SYT9: variants seen among roughly 807,000 people sequenced by gnomAD.
SYT9 encodes synaptotagmin 9.
In SYT9, 22 loss-of-function variants were observed where a neutral mutation model predicts 48.4. That is an observed-to-expected ratio of 0.45 (90% CI 0.32 to 0.65). SYT9 has a LOEUF of 0.65. Among genes scored for constraint, SYT9 ranks in the 30% least tolerant of loss-of-function variants. SYT9 has a pLI of 0.03. For synonymous variants in SYT9, 265 were observed against 245.0 expected, an observed-to-expected ratio of 1.08 and a Z score of -0.76; for missense variants, 577 against 622.0, an observed-to-expected ratio of 0.93 and a Z score of 0.77.
In SYT9 at chr11:7,466,824, GC is replaced by G. The variant is rs1848346549; in HGVS notation, c.*26del. 6.2e-7 allele frequency: 1 copy of G among 1,611,400 alleles called. No individual in the cohort carries two copies. Among genetic ancestry groups the G allele is most frequent in the Admixed American group, 1.7e-5 (1 of 59,608 alleles). On this transcript the variant is annotated 3_prime_UTR_variant, in exon 7 of 7. Transcript: ENST00000318881. ...GACCATGGGTAAGAGGACTGCTTGT[GC>G]CAAGGACAAAATAGGACAACCATCT... is the stretch of plus-strand genomic sequence containing the variant.
intron 6 of SYT9, among the ~76,000 whole-genome samples, chr11:7,466,292 G>A (rs890250073): frequency 6.6e-6 from 1 of 152,166 alleles, no homozygotes; most frequent in Admixed American, 6.5e-5. Context: ...CATTGCCCCT[G>A]CAGTATTCTA....
chr11:7,332,996 T>G (rs1849567958), intron 3 of SYT9, among the ~76,000 whole-genome samples: 1 of 152,230 alleles, frequency 6.6e-6, no homozygotes, highest in Non-Finnish European at 1.5e-5. Flanking sequence ...CCTTGTCCCA[T>G]GGATTGGCAT....
At chr11:7,279,958 A>G (rs1848464712) in intron 1 of SYT9, among the ~76,000 whole-genome samples, 1 of 152,220 alleles carries the variant, frequency 6.6e-6, no homozygotes, top group African/African-American at 2.4e-5. Flanking sequence ...GCATCAGGTA[A>G]AGACCTTAGG....
chr11:7,372,190 A>G (rs1415068400), intron 3 of SYT9, among the ~76,000 whole-genome samples: 1 of 152,048 alleles, frequency 6.6e-6, no homozygotes, highest in African/African-American at 2.4e-5. Context: ...TTTTATTTCA[A>G]CCATTCTGAT....
At chr11:7,382,736 C>G (rs1850589217) in intron 3 of SYT9, among the ~76,000 whole-genome samples, 1 of 152,146 alleles carries the variant, frequency 6.6e-6, no homozygotes, top group Non-Finnish European at 1.5e-5. Context: ...TTGTCCATTC[C>G]TAGCTGAACA....
At chr11:7,371,060 A>G (rs1425047968) in intron 3 of SYT9, among the ~76,000 whole-genome samples, 1 of 152,062 alleles carries the variant, frequency 6.6e-6, no homozygotes, top group Non-Finnish European at 1.5e-5. Context: ...GTGTTTTTCC[A>G]TTGATCTTCA....
chr11:7,321,608 A>C (rs753998218), intron 3 of SYT9, among the ~76,000 whole-genome samples: 2 of 152,224 alleles, frequency 1.3e-5, no homozygotes, highest in Non-Finnish European at 2.9e-5. Flanking sequence ...AGGGCAACTC[A>C]GTAATGTTTG....
chr11:7,376,982 T>C (rs770173868), intron 3 of SYT9, among the ~76,000 whole-genome samples: 1 of 150,646 alleles, frequency 6.6e-6, no homozygotes, highest in Non-Finnish European at 1.5e-5. Flanking sequence ...TCCAGTGTAA[T>C]TATGTCCACA....
At chr11:7,429,783 A>G (rs1340401038) in intron 6 of SYT9, among the ~76,000 whole-genome samples, 1 of 152,202 alleles carries the variant, frequency 6.6e-6, no homozygotes, top group Non-Finnish European at 1.5e-5. Context: ...TAATGGAGCA[A>G]ATTATTAATG....
chr11:7,437,592 C>G (rs1222365818), intron 6 of SYT9: 1 of 151,840 alleles, frequency 6.6e-6, no homozygotes, highest in Non-Finnish European at 1.5e-5. Context: ...GGACTCATCA[C>G]CAACTGCCCA....
intron 6 of SYT9, among the ~76,000 whole-genome samples, chr11:7,432,464 T>C (rs1426814644): frequency 6.8e-6 from 1 of 146,592 alleles, no homozygotes; most frequent in Non-Finnish European, 1.5e-5. Context: ...GGAGAATAGC[T>C]TGAACGTGGG....
intron 3 of SYT9, among the ~76,000 whole-genome samples, chr11:7,404,603 G>T (rs897497608): frequency 6.6e-6 from 1 of 151,904 alleles, no homozygotes; most frequent in African/African-American, 2.4e-5. Flanking sequence ...ATTCTAGCTG[G>T]GGTTATTTGG....
intron 3 of SYT9, among the ~76,000 whole-genome samples, chr11:7,346,434 C>T (rs1293705741): frequency 6.6e-6 from 1 of 152,194 alleles, no homozygotes; most frequent in African/African-American, 2.4e-5. Context: ...TAAAACTCTT[C>T]TTCCCATGTT....
chr11:7,391,543 T>C lies in SYT9; in HGVS notation c.1045-24499T>C, dbSNP rs144136874. ...ATCTCATTGTGGTTTTCATTTGCAT[T>C]GTGGTTTTCATTGAGCATTTTTAAT... On this transcript the variant is annotated intron_variant, in intron 3 of 6. Coordinates refer to ENST00000318881, the MANE Select transcript of SYT9 (RefSeq NM_175733.4). Among the ~76,000 whole-genome samples the C allele has an allele frequency of 3.3e-3, 503 of 152,008 alleles. 4 individuals are homozygous for C. The highest frequency in any genetic ancestry group is 0.012 in the African/African-American group (484 of 41,492).
intron 6 of SYT9, among the ~76,000 whole-genome samples, chr11:7,452,685 T>G (rs192318095): frequency 6.0e-4 from 91 of 152,204 alleles, no homozygotes; most frequent in Middle Eastern, 3.4e-3. Context: ...CCATACAAGA[T>G]AGCAATGGAG....
At chr11:7,419,573 G>A (rs1847311228) in intron 5 of SYT9, among the ~76,000 whole-genome samples, 1 of 152,170 alleles carries the variant, frequency 6.6e-6, no homozygotes, top group Non-Finnish European at 1.5e-5. Context: ...AATGTCTCAA[G>A]GCGGGGACCT....
At chr11:7,286,840 C>A (rs1169667464) in intron 1 of SYT9, among the ~76,000 whole-genome samples, 1 of 152,190 alleles carries the variant, frequency 6.6e-6, no homozygotes, top group African/African-American at 2.4e-5. Flanking sequence ...CCACCTCAGC[C>A]TGGACTTCAT....
intron 6 of SYT9, among the ~76,000 whole-genome samples, chr11:7,446,977 C>G (rs1847945481): frequency 1.3e-5 from 2 of 152,214 alleles, no homozygotes; most frequent in African/African-American, 4.8e-5. Flanking sequence ...CCTCAGGGCC[C>G]AGAGGCATAC....
In SYT9 at chr11:7,302,964, A is replaced by C. The variant is rs1848951155; in HGVS notation, c.146-75A>C. 3.7e-6 allele frequency: 5 copies of C among 1,363,226 alleles called. No individual in the cohort carries two copies. The South Asian group carries it at 6.4e-5, about 17-fold the overall frequency. The allele number at this position is 1,363,226 out of a possible 1,614,324, so 84.4% of individuals were successfully genotyped here. A position where few individuals can be genotyped will look rare whatever the true frequency, so the allele number is the denominator to read the frequency against. On this transcript the variant is annotated intron_variant, in intron 1 of 6. Coordinates refer to ENST00000318881, the MANE Select transcript of SYT9 (RefSeq NM_175733.4). Reference sequence around the variant, plus strand: ...CAAGGGATGAGTGGATGAGAGGGTCATTCTGCCCACGCTGTGCAATGGGTG... The same window carrying C: ...CAAGGGATGAGTGGATGAGAGGGTCCTTCTGCCCACGCTGTGCAATGGGTG...
Sources: allele counts gnomAD v4.1 joint callset (sites outside exome capture counted in the v4.1 genomes callset), GRCh38; gene constraint gnomAD v4.1.1; transcripts MANE v1.5; gene names NCBI Gene and HGNC (gene_info 2026-07-23, HGNC 2026-07-21).